ADARB2: variants seen among roughly 807,000 people sequenced by gnomAD.
The protein encoded by ADARB2 is adenosine deaminase RNA specific B2 (inactive), also known as inactive double-stranded RNA-specific editase B2.
A neutral mutation model predicts 62.2 loss-of-function variants in ADARB2; 25 were observed. The observed-to-expected ratio is 0.40, with a 90% CI of 0.29 to 0.56. The LOEUF is 0.56. ADARB2 is among the 20% of genes least tolerant of loss of function. ADARB2 has a pLI of 0.43. For missense variants in ADARB2, 1,071 were observed against 1,077.4 expected (o/e 0.99, Z 0.08); for synonymous variants, 572 against 500.8 (o/e 1.14, Z -1.90).
intron 3 of ADARB2, among the ~76,000 whole-genome samples, chr10:1,286,458 T>C (rs572246388): frequency 6.6e-6 from 1 of 152,310 alleles, no homozygotes; most frequent in Admixed American, 6.5e-5. Context: ...TCCAACCAAA[T>C]AGTTCAAATT....
At chr10:1,292,899 A>G (rs983828164) in intron 3 of ADARB2, 4 of 151,374 alleles carry the variant, frequency 2.6e-5, no homozygotes, top group Non-Finnish European at 4.4e-5. Context: ...ACTGGAGGGG[A>G]AAATCCAAAG....
At chr10:1,591,131 C>A (rs1199173499) in intron 1 of ADARB2, among the ~76,000 whole-genome samples, 4 of 152,218 alleles carry the variant, frequency 2.6e-5, no homozygotes, top group African/African-American at 4.8e-5. Flanking sequence ...GATTCCTCAA[C>A]CTTGCCTGGG....
At chr10:1,267,568 G>A (rs1831217351) in intron 4 of ADARB2, among the ~76,000 whole-genome samples, 1 of 152,306 alleles carries the variant, frequency 6.6e-6, no homozygotes, top group Non-Finnish European at 1.5e-5. Flanking sequence ...TAGAAGCCTC[G>A]TGACTTAGCA....
intron 1 of ADARB2, among the ~76,000 whole-genome samples, chr10:1,657,494 G>C (rs760366947): frequency 6.6e-6 from 1 of 151,878 alleles, no homozygotes; most frequent in Non-Finnish European, 1.5e-5. Flanking sequence ...CTCCTCTCTT[G>C]GCCTCAGACA....
intron 1 of ADARB2, among the ~76,000 whole-genome samples, chr10:1,606,643 G>A (rs770960131): frequency 3.3e-5 from 5 of 152,110 alleles, no homozygotes; most frequent in Admixed American, 6.5e-5. Flanking sequence ...CTTTCTGGCC[G>A]GAAGTTCTTT....
chr10:1,530,629 A>T (rs1832221131), intron 1 of ADARB2, among the ~76,000 whole-genome samples: 1 of 151,838 alleles, frequency 6.6e-6, no homozygotes. Flanking sequence ...ATGCACACCG[A>T]CCGCTTGTCG....
At chr10:1,302,133 G>A (rs1831578680) in intron 3 of ADARB2, among the ~76,000 whole-genome samples, 1 of 152,236 alleles carries the variant, frequency 6.6e-6, no homozygotes, top group South Asian at 2.1e-4. Context: ...CATCTCACTA[G>A]GGAGTGCCAG....
At chr10:1,710,052 C>G (rs537327146) in intron 1 of ADARB2, among the ~76,000 whole-genome samples, 28 of 152,334 alleles carry the variant, frequency 1.8e-4, no homozygotes, top group African/African-American at 6.5e-4. Context: ...AGTGCTCAGT[C>G]GAGGACGGTT....
intron 1 of ADARB2, among the ~76,000 whole-genome samples, chr10:1,611,445 C>G (rs1377955681): frequency 6.6e-6 from 1 of 152,180 alleles, no homozygotes; most frequent in African/African-American, 2.4e-5. Flanking sequence ...GGATGAAATT[C>G]TCTCTCCAAT....
intron 1 of ADARB2, among the ~76,000 whole-genome samples, chr10:1,693,298 C>G (rs1004942953): frequency 2.0e-5 from 3 of 152,086 alleles, no homozygotes; most frequent in Admixed American, 1.3e-4. Flanking sequence ...TAGGGCTTGT[C>G]AAGGCCGCCA....
intron 3 of ADARB2, among the ~76,000 whole-genome samples, chr10:1,324,159 A>G (rs183997637): frequency 1.4e-4 from 22 of 152,356 alleles, no homozygotes; most frequent in African/African-American, 4.8e-4. Flanking sequence ...GCTAAACTAT[A>G]TTAGTCATTC....
chr10:1,659,262 G>A (rs949938907), intron 1 of ADARB2, among the ~76,000 whole-genome samples: 2 of 152,152 alleles, frequency 1.3e-5, no homozygotes, highest in Non-Finnish European at 2.9e-5. Context: ...ACAATGAAAA[G>A]ACCGAATCAT....
At chr10:1,330,347 C>G (rs1831917428) in intron 3 of ADARB2, among the ~76,000 whole-genome samples, 1 of 152,220 alleles carries the variant, frequency 6.6e-6, no homozygotes, top group African/African-American at 2.4e-5. Flanking sequence ...AGAGCATTCT[C>G]TCCACATTTG....
chr10:1,363,233 C>G lies in ADARB2; in HGVS notation c.872G>C (p.Arg291Pro), dbSNP rs1396304274. The G allele has an allele frequency of 2.2e-6, 3 of 1,388,270 alleles. No homozygotes were observed. The South Asian group carries it at 4.8e-5, about 22-fold the overall frequency. The allele number at this position is 1,388,270 out of a possible 1,614,324, so 86.0% of individuals were successfully genotyped here. Residue 291 changes from arginine (R) to proline (P), a missense_variant, in exon 3 of 10, where the codon CGC becomes CCC. Transcript: ENST00000381312. ...GGCCGGTTCTGCCAGACACACGTAG[C>G]GCAGCCCGGCGCGCAGGCGGTTCAG... ...VLLNRLRAGL[R>P]YVCLAEPAER...
chr10:1,223,324 G>A (rs191169734), intron 6 of ADARB2, among the ~76,000 whole-genome samples: 61 of 152,298 alleles, frequency 4.0e-4, no homozygotes, highest in African/African-American at 1.1e-3. Context: ...GGGCTGAGAC[G>A]ATGGGGTTTT....
chr10:1,308,090 AAATT>A lies in ADARB2; in HGVS notation c.1078-37025_1078-37022del, dbSNP rs201509036. On this transcript the variant is annotated intron_variant, in intron 3 of 9. Coordinates refer to ENST00000381312, the MANE Select transcript of ADARB2 (RefSeq NM_018702.4). ...AAACTTAAAGTATAATAAAAAAAAT[AAATT>A]AAAAAAAAAAAGTATCTCCCACTGT... Among the ~76,000 whole-genome samples, 5 of 52,082 alleles carry A rather than the reference AAATT, an allele frequency of 9.6e-5. No individual in the cohort carries two copies. In the East Asian group the frequency reaches 7.5e-3, roughly 78 times the overall value. 34.2% of individuals were successfully genotyped at this position (52,082 alleles called of 152,430 possible). A position where few individuals can be genotyped will look rare whatever the true frequency, so the allele number is the denominator to read the frequency against.
intron 3 of ADARB2, among the ~76,000 whole-genome samples, chr10:1,278,272 C>T (rs772550030): frequency 2.0e-5 from 3 of 151,624 alleles, no homozygotes; most frequent in Non-Finnish European, 2.9e-5. Flanking sequence ...TGAGCCACCA[C>T]ACCCGGTCCT....
intron 3 of ADARB2, chr10:1,292,994 G>GGGA (rs1564248553): frequency 6.4e-5 from 3 of 46,662 alleles, no homozygotes; most frequent in African/African-American, 1.6e-4. Flanking sequence ...GAGAGAGGGA[G>GGGA]AGGGAGGGAA....
intron 1 of ADARB2, among the ~76,000 whole-genome samples, chr10:1,665,344 T>G (rs1834302374): frequency 6.6e-6 from 1 of 152,336 alleles, no homozygotes; most frequent in East Asian, 1.9e-4. Context: ...ACACTGAGCG[T>G]GGCTGGGGGA....
Sources: gnomAD v4.1 joint callset for allele counts (sites outside exome capture counted in the v4.1 genomes callset) on GRCh38, gnomAD v4.1.1 for gene constraint, MANE v1.5 for transcripts, NCBI Gene and HGNC (gene_info 2026-07-23, HGNC 2026-07-21) for gene names.